The following UNC13C variants were observed in gnomAD, a reference collection of about 807,000 sequenced individuals.
The protein encoded by UNC13C is protein unc-13 homolog C.
A neutral mutation model predicts 245.4 loss-of-function variants in UNC13C; 174 were observed. That is an observed-to-expected ratio of 0.71 (90% CI 0.63 to 0.80). The LOEUF (loss-of-function observed/expected upper bound fraction) is 0.80, where lower values mean the gene tolerates loss of function less well. Among genes scored for constraint, UNC13C ranks in the 30% least tolerant of loss-of-function variants. The pLI is 0.00. For synonymous variants in UNC13C, 992 were observed against 895.1 expected, an observed-to-expected ratio of 1.11 and a Z score of -1.93; for missense variants, 2,829 against 2,602.9, an observed-to-expected ratio of 1.09 and a Z score of -1.89.
intron 8 of UNC13C, among the ~76,000 whole-genome samples, chr15:54,262,932 A>C (rs2036463555): frequency 6.6e-6 from 1 of 152,158 alleles, no homozygotes; most frequent in Non-Finnish European, 1.5e-5. Context: ...TTGACCTTTC[A>C]TCTCTTGTCT....
chr15:54,275,052 T>C (rs953738268), intron 10 of UNC13C, among the ~76,000 whole-genome samples: 1 of 151,880 alleles, frequency 6.6e-6, no homozygotes, highest in African/African-American at 2.4e-5. Flanking sequence ...AGAAAGCAAA[T>C]AGCAAGATGA....
At chr15:54,332,286 C>T (rs1197543689) in intron 15 of UNC13C, among the ~76,000 whole-genome samples, 175 bp downstream of exon 15, 5 of 147,300 alleles carry the variant, frequency 3.4e-5, no homozygotes, top group Admixed American at 2.0e-4. Flanking sequence ...CTTTGCCCCA[C>T]GTAGACTACA....
In UNC13C at chr15:54,293,970, G is replaced by A. The variant is rs763479014; in HGVS notation, c.3894G>A (p.Lys1298=). The A allele has an allele frequency of 4.4e-6, 7 of 1,594,550 alleles. No individual in the cohort carries two copies. Among genetic ancestry groups the A allele is most frequent in the Non-Finnish European group, 4.3e-6 (5 of 1,171,358 alleles). Residue 1298 remains lysine (K), a synonymous_variant, in exon 11 of 33, where the codon AAG becomes AAA. Coordinates refer to ENST00000260323, the MANE Select transcript of UNC13C (RefSeq NM_001080534.3). ...ATGATGATATTAAATCCAGAGTCAA[G>A]CAACATTTCAAAAAGGAGTCAGATG... is the stretch of plus-strand genomic sequence containing the variant. ...DEDDDIKSRV[K]QHFKKESDDF...
Position 54,013,940 on chromosome 15 carries a change from T to A in UNC13C, c.1037T>A (p.Met346Lys). 6.2e-7 allele frequency: 1 copy of A among 1,613,250 alleles called. No homozygotes were observed. The highest frequency in any genetic ancestry group is 8.5e-7 in the Non-Finnish European group (1 of 1,179,670). Reference protein sequence around the residue: ...SVVYQILIDKMGFSDAPNAIK... With the variant: ...SVVYQILIDKKGFSDAPNAIK... The stretch of plus-strand genomic sequence containing the variant: ...GTGTACCAAATTCTAATAGATAAAA[T>A]GGGTTTTTCAGATGCACCAAATGCT... The change falls in exon 2 of 33, where the codon ATG becomes AAG. Residue 346 changes from methionine to lysine, a missense_variant. Met to Lys is a moderately conservative substitution (Grantham distance 95). Coordinates refer to ENST00000260323, the MANE Select transcript of UNC13C (RefSeq NM_001080534.3).
chr15:54,346,317 T>C (rs1465958936), intron 17 of UNC13C, among the ~76,000 whole-genome samples: 1 of 152,218 alleles, frequency 6.6e-6, no homozygotes, highest in Admixed American at 6.5e-5. Context: ...GTAAGGAACA[T>C]AATCTCTGAT....
At chr15:54,391,248 G>A (rs182133367) in intron 17 of UNC13C, among the ~76,000 whole-genome samples, 2 of 152,070 alleles carry the variant, frequency 1.3e-5, no homozygotes, top group Admixed American at 6.6e-5. Flanking sequence ...ATTAATGATA[G>A]TGTTCTAATA....
intron 1 of UNC13C, among the ~76,000 whole-genome samples, chr15:54,010,473 G>A (rs531070062): frequency 7.2e-5 from 11 of 152,210 alleles, no homozygotes; most frequent in African/African-American, 2.4e-4. Flanking sequence ...AAAGAGACAT[G>A]TGAATAGAGA....
At chr15:54,287,420 A>G (rs979999749) in intron 10 of UNC13C, among the ~76,000 whole-genome samples, 1 of 152,194 alleles carries the variant, frequency 6.6e-6, no homozygotes, top group African/African-American at 2.4e-5. Flanking sequence ...TGAACTTACT[A>G]TGTTTTTTAT....
chr15:53,946,858 G>A, the UNC13C span, among the ~76,000 whole-genome samples: 8 of 152,008 alleles, frequency 5.3e-5, no homozygotes, highest in Non-Finnish European at 1.0e-4. Context: ...CTTGATCATG[G>A]TGGATTCACT....
the UNC13C span, among the ~76,000 whole-genome samples, chr15:53,898,304 T>C: frequency 2.0e-5 from 3 of 152,188 alleles, no homozygotes; most frequent in Non-Finnish European, 2.9e-5. Flanking sequence ...AATATGGTGC[T>C]AGTGAAACTA....
chr15:54,299,531 GCAAAAA>G (rs1361217617), intron 12 of UNC13C, among the ~76,000 whole-genome samples: 9 of 152,012 alleles, frequency 5.9e-5, no homozygotes, highest in Non-Finnish European at 1.3e-4. Flanking sequence ...ATGTTTTCAG[GCAAAAA>G]CACTCACTTC....
intron 2 of UNC13C, among the ~76,000 whole-genome samples, chr15:54,130,045 G>T (rs542505437): frequency 3.3e-5 from 5 of 151,016 alleles, no homozygotes; most frequent in Non-Finnish European, 7.4e-5. Context: ...ATATATGTAT[G>T]CATGTGATGT....
intron 2 of UNC13C, among the ~76,000 whole-genome samples, chr15:54,031,664 C>T (rs72625711): frequency 0.081 from 12,391 of 152,218 alleles, 651 homozygotes; most frequent in Middle Eastern, 0.15. Flanking sequence ...ATGTGTTTGC[C>T]TGTGTGCATG....
chr15:53,998,503 T>C (rs942983974), intron 1 of UNC13C, among the ~76,000 whole-genome samples: 2 of 152,170 alleles, frequency 1.3e-5, no homozygotes, highest in African/African-American at 4.8e-5. Flanking sequence ...GTTTTCAGCT[T>C]TTATACTTAT....
At chr15:54,246,146 A>C (rs768764686) in intron 7 of UNC13C, among the ~76,000 whole-genome samples, 10 of 152,082 alleles carry the variant, frequency 6.6e-5, no homozygotes, top group Admixed American at 2.6e-4. Context: ...AAGGCAATTC[A>C]TTTCCTTCCA....
At chr15:54,535,200 A>T (rs1474101232) in intron 26 of UNC13C, among the ~76,000 whole-genome samples, 1 of 152,146 alleles carries the variant, frequency 6.6e-6, no homozygotes, top group Non-Finnish European at 1.5e-5. Context: ...ATGGAAAACA[A>T]AAAAGAGCAG....
chr15:54,544,083 A>AAAGCTTAT (rs1896370145), intron 26 of UNC13C, among the ~76,000 whole-genome samples: 1 of 152,212 alleles, frequency 6.6e-6, no homozygotes, highest in Non-Finnish European at 1.5e-5. Context: ...AGCACATCAA[A>AAAGCTTAT]AAGCTTATCT....
chr15:54,430,251 ATT>A (rs1022329555), intron 19 of UNC13C, among the ~76,000 whole-genome samples: 2 of 151,652 alleles, frequency 1.3e-5, no homozygotes, highest in African/African-American at 4.8e-5. Flanking sequence ...GTGATAAAGC[ATT>A]TTTACATTTA....
intron 2 of UNC13C, among the ~76,000 whole-genome samples, chr15:54,084,188 T>A (rs1899110673): frequency 1.3e-5 from 2 of 152,306 alleles, no homozygotes; most frequent in African/African-American, 4.8e-5. Flanking sequence ...TTCCCTCAGT[T>A]TTCTCTTGAG....
Sources: gnomAD v4.1 joint callset for allele counts (sites outside exome capture counted in the v4.1 genomes callset) on GRCh38, gnomAD v4.1.1 for gene constraint, MANE v1.5 for transcripts, NCBI Gene and HGNC (gene_info 2026-07-23, HGNC 2026-07-21) for gene names.